Variants in ACAD9 observed in about 807,000 individuals in gnomAD.
ACAD9 encodes acyl-CoA dehydrogenase family member 9.
Under a neutral mutation model 70.2 loss-of-function variants are expected in ACAD9, and 53 were observed. That is an observed-to-expected ratio of 0.75 (90% CI 0.61 to 0.95). The LOEUF is 0.95. Ranked by LOEUF, ACAD9 falls within the 40% of genes least tolerant of loss-of-function variation. The pLI is 0.00. For missense variants in ACAD9, 777 were observed against 802.8 expected (o/e 0.97, Z 0.39); for synonymous variants, 313 against 312.1 (o/e 1.00, Z -0.03).
intron 16 of ACAD9, 61 bp downstream of exon 16, chr3:128,910,210 A>G (rs1936112416): frequency 6.2e-7 from 1 of 1,611,384 alleles, no homozygotes; most frequent in Non-Finnish European, 8.5e-7. Flanking sequence ...CTGCACTTTA[A>G]TGAAGTTGAT....
At position 128,910,005 on chromosome 3, in the gene ACAD9, G is replaced by C; in HGVS notation, c.1564-16G>C. ...TCTAGGTAGTGAGTCCCCACTTGGA[G>C]CCTCTGTGATCCCAGACCATCATGG... On this transcript the variant is annotated splice_polypyrimidine_tract_variant and intron_variant, in intron 15 of 17. Transcript: ENST00000308982. The C allele has an allele frequency of 6.2e-7, 1 of 1,612,750 alleles. No individual in the cohort carries two copies. Among genetic ancestry groups the C allele is most frequent in the Non-Finnish European group, 8.5e-7 (1 of 1,179,682 alleles).
At chr3:128,898,551 A>G (rs1273611085) in intron 6 of ACAD9, 3 of 368,894 alleles carry the variant, frequency 8.1e-6, no homozygotes, top group Non-Finnish European at 1.6e-5. Flanking sequence ...GAGTACAGGC[A>G]CACAGCTAAC....
intron 6 of ACAD9, 35 bp downstream of exon 6, chr3:128,897,745 C>T (rs1935607206): frequency 6.3e-7 from 1 of 1,588,238 alleles, no homozygotes; most frequent in Non-Finnish European, 8.6e-7. Context: ...ATTAGGGTCT[C>T]AGTCACAACC....
chr3:128,909,658 G>C lies in ACAD9; in HGVS notation c.1563+237G>C, dbSNP rs16852182. 16,176 of 610,668 alleles carry C rather than the reference G, an allele frequency of 0.026. 537 individuals are homozygous for C. Among genetic ancestry groups the C allele is most frequent in the South Asian group, 0.1 (5,088 of 50,914 alleles). The allele number at this position is 610,668 out of a possible 1,614,324, so 37.8% of individuals were successfully genotyped here. On this transcript the variant is annotated intron_variant, in intron 15 of 17. Transcript: ENST00000308982. ...GCAGTGTTTTTCTGTGCACCTTTCA[G>C]GTAGAGAGGCTCCCTAGAATCGGGA... is the stretch of plus-strand genomic sequence containing the variant.
intron 2 of ACAD9, among the ~76,000 whole-genome samples, chr3:128,892,817 A>G (rs966510900): frequency 6.6e-6 from 1 of 152,204 alleles, no homozygotes; most frequent in African/African-American, 2.4e-5. Context: ...CTAGCTGAAC[A>G]TTTTAGTACA....
chr3:128,906,629 A>G (rs1469171881), intron 12 of ACAD9, among the ~76,000 whole-genome samples: 2 of 152,204 alleles, frequency 1.3e-5, no homozygotes, highest in Admixed American at 6.5e-5. Flanking sequence ...AGGGGCAGAA[A>G]GAAAGGGCTT....
At position 128,899,454 on chromosome 3, in the gene ACAD9, C is replaced by T. The variant is rs1164774239; in HGVS notation, c.801C>T (p.Gly267=). 6.2e-7 allele frequency: 1 copy of T among 1,613,974 alleles called. No homozygotes were observed. The highest frequency in any genetic ancestry group is 1.7e-5 in the Admixed American group (1 of 60,018). The part of the protein sequence containing the change: ...GKPEDKLGIR[G]SNTCEVHFEN... Reference sequence around the variant, plus strand: ...CCGAAGATAAATTAGGCATTCGGGGCTCCAACAGTAAGTAGCTCCTGTGCG... The same window carrying T: ...CCGAAGATAAATTAGGCATTCGGGGTTCCAACAGTAAGTAGCTCCTGTGCG... Residue 267 remains glycine, a synonymous_variant, in exon 7 of 18, where the codon GGC becomes GGT. Transcript: ENST00000308982.
At position 128,909,088 on chromosome 3, in the gene ACAD9, C is replaced by G; in HGVS notation, c.1474C>G (p.Pro492Ala). Residue 492 changes from proline to alanine, a missense_variant, in exon 14 of 18, where the codon CCC becomes GCC. Pro to Ala is a conservative substitution (Grantham distance 27). Transcript: ENST00000308982. ...GLTGNHGVVH[P>A]SLADSANKFE... is the part of the protein sequence containing the mutation. ...GACAGGCAACCATGGAGTTGTGCAC[C>G]CCAGTCTTGCGGTGAGTGGGCCTAA... is the stretch of plus-strand genomic sequence containing the variant. 6.2e-7 allele frequency: 1 copy of G among 1,614,018 alleles called. No homozygotes were observed. The highest frequency in any genetic ancestry group is 8.5e-7 in the Non-Finnish European group (1 of 1,180,014).
In ACAD9 at chr3:128,910,725, T is replaced by C; in HGVS notation, c.1693-16T>C. On this transcript the variant is annotated splice_polypyrimidine_tract_variant and intron_variant, in intron 16 of 17. Coordinates refer to ENST00000308982, the MANE Select transcript of ACAD9 (RefSeq NM_014049.5). ...CAGGAATTTGGGCATATCTTTTCTG[T>C]CCTCGGTTCTGGCAGGTTCTCTTGG... 2 of 1,614,160 alleles carry C rather than the reference T, an allele frequency of 1.2e-6. No individual in the cohort carries two copies. Among genetic ancestry groups the C allele is most frequent in the East Asian group, 4.5e-5 (2 of 44,882 alleles).
intron 2 of ACAD9, among the ~76,000 whole-genome samples, chr3:128,893,182 C>G (rs1453815739): frequency 6.8e-6 from 1 of 147,880 alleles, no homozygotes; most frequent in Non-Finnish European, 1.5e-5. Context: ...CTCGTCTCTA[C>G]TGAAAAAAAA....
chr3:128,910,836 G>C, intron 17 of ACAD9, 23 bp downstream of exon 17: 2 of 1,613,234 alleles, frequency 1.2e-6, no homozygotes, highest in Non-Finnish European at 1.7e-6. Flanking sequence ...TCTTGGGGGA[G>C]GGAAGGAAGG....
chr3:128,882,113 C>T (rs1322710143), intron 1 of ACAD9, among the ~76,000 whole-genome samples: 2 of 151,948 alleles, frequency 1.3e-5, no homozygotes, highest in Non-Finnish European at 2.9e-5. Context: ...TCCTAAGGCT[C>T]AATAGATCCT....
At chr3:128,887,644 A>AATAAATAAATATATATATAT (rs1436892805) in intron 2 of ACAD9, among the ~76,000 whole-genome samples, 5 of 133,112 alleles carry the variant, frequency 3.8e-5, no homozygotes, top group African/African-American at 1.4e-4. Flanking sequence ...AAAATAAATA[A>AATAAATAAATATATATATAT]ATATATATAT....
intron 9 of ACAD9, among the ~76,000 whole-genome samples, chr3:128,903,516 CG>C (rs142406106): frequency 6.6e-6 from 1 of 152,194 alleles, no homozygotes; most frequent in Non-Finnish European, 1.5e-5. Context: ...ATGGCTATGG[CG>C]GGGCGGGGGT....
chr3:128,906,926 T>G (rs951130481), intron 12 of ACAD9, among the ~76,000 whole-genome samples: 3 of 152,132 alleles, frequency 2.0e-5, no homozygotes, highest in Non-Finnish European at 4.4e-5. Flanking sequence ...ATTATTTGGT[T>G]GTATCTGTGT....
chr3:128,899,523 G>GGTGTGTGTGTGTGTGTGTGTGT, intron 7 of ACAD9, 62 bp downstream of exon 7: 2 of 1,067,772 alleles, frequency 1.9e-6, no homozygotes, highest in Admixed American at 2.3e-5. Context: ...GGCCTTTGAC[G>GGTGTGTGTGTGTGTGTGTGTGT]GTGTGTGTGT....
chr3:128,910,801 C>G lies in ACAD9; in HGVS notation c.1753C>G (p.Gln585Glu), dbSNP rs777218042. ...CTTGCAGAATCTCTTCAGCCTCTCT[C>G]AGCTGGACAAGTGTGAGTGGCATGT... ...AYLQNLFSLS[Q>E]LDKYAPENLD... The change falls in exon 17 of 18, where the codon CAG (glutamine) becomes GAG (glutamate). Residue 585 changes from glutamine (Q) to glutamate (E), a missense_variant. By Grantham distance (29) the Gln-to-Glu change is conservative (BLOSUM62 2). Coordinates refer to ENST00000308982, the MANE Select transcript of ACAD9 (RefSeq NM_014049.5). 5.0e-6 allele frequency: 8 copies of G among 1,614,074 alleles called. No homozygotes were observed. Among genetic ancestry groups the G allele is most frequent in the Non-Finnish European group, 6.8e-6 (8 of 1,180,044 alleles).
At chr3:128,884,342 T>C (rs1162824454) in intron 1 of ACAD9, among the ~76,000 whole-genome samples, 1 of 152,216 alleles carries the variant, frequency 6.6e-6, no homozygotes, top group Non-Finnish European at 1.5e-5. Flanking sequence ...ACCCCCAGGC[T>C]TCTAAATGTT....
intron 11 of ACAD9, 80 bp from the exon 12 acceptor site, chr3:128,906,041 C>A (rs1485947138): frequency 6.2e-7 from 1 of 1,600,412 alleles, no homozygotes; most frequent in Non-Finnish European, 8.5e-7. Flanking sequence ...AGCCCGTGTG[C>A]CTCCCATGCC....
Sources: gnomAD v4.1 joint callset for allele counts (sites outside exome capture counted in the v4.1 genomes callset) on GRCh38, gnomAD v4.1.1 for gene constraint, MANE v1.5 for transcripts, NCBI Gene and HGNC (gene_info 2026-07-23, HGNC 2026-07-21) for gene names.